Variants in ZNF420 observed in about 807,000 individuals in gnomAD.
ZNF420 encodes the protein ATM and p53-associated KZNF protein.
Under a neutral mutation model 44.7 loss-of-function variants are expected in ZNF420, and 31 were observed. The ratio of observed to expected loss-of-function variants is 0.69; its 90% CI spans 0.52 to 0.94. ZNF420 has a LOEUF of 0.94. ZNF420 is among the 40% of genes least tolerant of loss of function. The pLI is 0.00. For synonymous variants in ZNF420, 245 were observed against 267.4 expected, an observed-to-expected ratio of 0.92 and a Z score of 0.82; for missense variants, 681 against 827.9, an observed-to-expected ratio of 0.82 and a Z score of 2.18.
At chr19:37,095,129 CAAA>C (rs57353744) in intron 4 of ZNF420, among the ~76,000 whole-genome samples, 15 of 63,394 alleles carry the variant, frequency 2.4e-4, no homozygotes, top group East Asian at 1.9e-3. Context: ...GACTCTGTCT[CAAA>C]AAAAAAAAAA....
intron 4 of ZNF420, among the ~76,000 whole-genome samples, chr19:37,100,545 T>G (rs2146595025): frequency 6.6e-6 from 1 of 152,202 alleles, no homozygotes; most frequent in East Asian, 1.9e-4. Context: ...AAACCCCATC[T>G]CTACTAAAAA....
chr19:37,069,122 A>G (rs1968015937), intron 1 of ZNF420, among the ~76,000 whole-genome samples: 1 of 152,216 alleles, frequency 6.6e-6, no homozygotes, highest in Non-Finnish European at 1.5e-5. Flanking sequence ...AACAGTTACT[A>G]TTATACACAA....
chr19:37,052,693 A>C (rs1439715137), intron 1 of ZNF420, among the ~76,000 whole-genome samples: 2 of 151,968 alleles, frequency 1.3e-5, no homozygotes, highest in East Asian at 1.9e-4. Flanking sequence ...ATTGGCCCCC[A>C]CTCTCTTCTG....
chr19:37,030,571 G>T (rs1242146138), intron 1 of ZNF420, among the ~76,000 whole-genome samples: 1 of 152,118 alleles, frequency 6.6e-6, no homozygotes, highest in Non-Finnish European at 1.5e-5. Context: ...TGCCCTCCAG[G>T]CTCATCCATG....
Position 37,128,808 on chromosome 19 carries a change from A to G in ZNF420, c.1817A>G (p.Gln606Arg). ...FSHGSQLTLH[Q>R]RIHTGEKPYE... ...CATGGCTCTCAGCTTACTCTACATC[A>G]GAGAATCCATACTGGTGAGAAGCCC... The change falls in exon 5 of 5, where the codon CAG (glutamine) becomes CGG (arginine). Residue 606 changes from glutamine (Q) to arginine (R), a missense_variant. Around this residue, in one of 3 missense-constraint regions of ZNF420, gnomAD observed 280 missense variants for 338.6 expected, o/e 0.83. Coordinates refer to ENST00000337995, the MANE Select transcript of ZNF420 (RefSeq NM_144689.5). 6.2e-7 allele frequency: 1 copy of G among 1,613,978 alleles called. No individual in the cohort carries two copies. The highest frequency in any genetic ancestry group is 8.5e-7 in the Non-Finnish European group (1 of 1,179,962).
At chr19:37,098,309 T>C (rs140449725) in intron 4 of ZNF420, among the ~76,000 whole-genome samples, 96 of 152,296 alleles carry the variant, frequency 6.3e-4, no homozygotes, top group African/African-American at 2.3e-3. Flanking sequence ...CACTGGAATC[T>C]ATTGCCTTGA....
chr19:37,030,697 A>G (rs1315448862), intron 1 of ZNF420, among the ~76,000 whole-genome samples: 2 of 152,178 alleles, frequency 1.3e-5, no homozygotes, highest in African/African-American at 2.4e-5. Context: ...TCATACTCAC[A>G]TACAATTTCA....
At chr19:37,029,586 CA>C in intron 1 of ZNF420, among the ~76,000 whole-genome samples, 1 of 148,446 alleles carries the variant, frequency 6.7e-6, no homozygotes, top group Non-Finnish European at 1.5e-5. Flanking sequence ...CTCGGCCTGT[CA>C]CCCAGGCTGG....
Position 37,130,283 on chromosome 19 carries a change from T to G in ZNF420, c.*1225T>G. The G allele has an allele frequency of 7.0e-7, 1 of 1,424,264 alleles. No individual in the cohort carries two copies. Among genetic ancestry groups the G allele is most frequent in the South Asian group, 1.6e-5 (1 of 62,890 alleles). 88.2% of individuals were successfully genotyped at this position (1,424,264 alleles called of 1,614,324 possible). On this transcript the variant is annotated 3_prime_UTR_variant, in exon 5 of 5. Coordinates refer to ENST00000337995, the MANE Select transcript of ZNF420 (RefSeq NM_144689.5). ...CTAGCTCTGGTCTGCTTGCCTCCTG[T>G]TTCTCTTTAAATAAAATTAAACATC...
chr19:37,126,902 T>G (rs577333141), intron 4 of ZNF420, among the ~76,000 whole-genome samples: 86 of 152,246 alleles, frequency 5.6e-4, no homozygotes, highest in Middle Eastern at 3.4e-3. Flanking sequence ...TTGAAAAAAG[T>G]AGAAATATTG....
upstream of ZNF420, among the ~76,000 whole-genome samples, chr19:37,076,587 T>C (rs1035326138): frequency 6.6e-6 from 1 of 152,172 alleles, no homozygotes; most frequent in Non-Finnish European, 1.5e-5. Context: ...AGTGTTCTCA[T>C]TGTTCAATTC....
chr19:37,008,531 A>AGAG (rs748278866), intron 1 of ZNF420, among the ~76,000 whole-genome samples: 3 of 152,190 alleles, frequency 2.0e-5, no homozygotes, highest in Non-Finnish European at 4.4e-5. Context: ...AAGCATCAGA[A>AGAG]GAGCTCATTG....
intron 1 of ZNF420, among the ~76,000 whole-genome samples, chr19:37,079,429 G>A (rs977403767): frequency 6.6e-6 from 1 of 152,144 alleles, no homozygotes; most frequent in African/African-American, 2.4e-5. Context: ...CTCCCATGTG[G>A]CTCTGAGGAC....
At chr19:37,120,043 A>G (rs1017177150) in intron 4 of ZNF420, among the ~76,000 whole-genome samples, 14 of 152,354 alleles carry the variant, frequency 9.2e-5, no homozygotes, top group Non-Finnish European at 1.5e-4. Flanking sequence ...TACCAGAGGT[A>G]CAAGGAGGAG....
At chr19:37,102,108 C>A (rs774095038) in intron 4 of ZNF420, among the ~76,000 whole-genome samples, 46 of 151,822 alleles carry the variant, frequency 3.0e-4, no homozygotes, top group Non-Finnish European at 6.0e-4. Flanking sequence ...TGGAGCTGAG[C>A]CTGGACCCCC....
chr19:37,075,986 T>G (rs141887325), upstream of ZNF420, among the ~76,000 whole-genome samples: 388 of 135,588 alleles, frequency 2.9e-3, 3 homozygotes, highest in African/African-American at 0.011. Flanking sequence ...TCCTGCAGTC[T>G]ACGTTTCTGA....
chr19:37,023,565 C>T (rs973558094), intron 1 of ZNF420, among the ~76,000 whole-genome samples: 3 of 152,184 alleles, frequency 2.0e-5, no homozygotes, highest in South Asian at 4.1e-4. Context: ...AGGGTTTTGC[C>T]GTGTTGGCCA....
At chr19:37,036,289 AT>A (rs1967353501) in intron 1 of ZNF420, among the ~76,000 whole-genome samples, 1 of 152,224 alleles carries the variant, frequency 6.6e-6, no homozygotes, top group Non-Finnish European at 1.5e-5. Context: ...GGATATGCAA[AT>A]TATCCTGATT....
intron 1 of ZNF420, among the ~76,000 whole-genome samples, chr19:37,008,295 CCTCT>C (rs571610435): frequency 6.6e-5 from 10 of 151,932 alleles, no homozygotes; most frequent in South Asian, 6.3e-4. Context: ...TCTCTCTCTC[CCTCT>C]GTTTCTTTCT....
Sources: allele counts gnomAD v4.1 joint callset (sites outside exome capture counted in the v4.1 genomes callset), GRCh38; gene constraint gnomAD v4.1.1; regional missense constraint gnomAD v4.1.1; transcripts MANE v1.5; gene names NCBI Gene and HGNC (gene_info 2026-07-23, HGNC 2026-07-21).